SPATA6: variants seen among roughly 807,000 people sequenced by gnomAD.
SPATA6 encodes the protein spermatogenesis-associated protein 6.
In SPATA6, 56 loss-of-function variants were observed where a neutral mutation model predicts 65.3. The observed-to-expected ratio is 0.86, with a 90% CI of 0.69 to 1.07. SPATA6 has a LOEUF of 1.07. Ranked by LOEUF, SPATA6 falls within the 50% of genes least tolerant of loss-of-function variation. The probability of loss-of-function intolerance (pLI) is 0.00; values close to 1 mark genes in which losing one functional copy is unlikely to be tolerated. For synonymous variants in SPATA6, 199 were observed against 213.2 expected (o/e 0.93, Z 0.58); for missense variants, 590 against 594.8 (o/e 0.99, Z 0.08).
intron 12 of SPATA6, among the ~76,000 whole-genome samples, chr1:48,299,360 C>A (rs1299976832): frequency 6.6e-6 from 1 of 150,954 alleles, no homozygotes; most frequent in Non-Finnish European, 1.5e-5. Flanking sequence ...CTAAAAAATA[C>A]AAAATTAGCT....
intron 11 of SPATA6, among the ~76,000 whole-genome samples, chr1:48,330,632 C>A (rs1363336567): frequency 6.6e-6 from 1 of 152,250 alleles, no homozygotes; most frequent in Non-Finnish European, 1.5e-5. Flanking sequence ...CTAGGCTTTC[C>A]AGCCAAGTGG....
intron 9 of SPATA6, among the ~76,000 whole-genome samples, chr1:48,366,005 C>T (rs190641685): frequency 6.6e-5 from 10 of 152,138 alleles, no homozygotes; most frequent in African/African-American, 2.4e-4. Context: ...TAGCATGAAG[C>T]GTTGTTGAAT....
chr1:48,339,639 T>C (rs1230476406), intron 11 of SPATA6, among the ~76,000 whole-genome samples: 12 of 151,956 alleles, frequency 7.9e-5, no homozygotes, highest in Non-Finnish European at 1.5e-5. Context: ...TTACCTAATA[T>C]AATAAATGAA....
the SPATA6 span, among the ~76,000 whole-genome samples, chr1:48,272,646 T>C: frequency 6.6e-6 from 1 of 152,168 alleles, no homozygotes. Flanking sequence ...ATGAACATAG[T>C]AATATAGATA....
downstream of SPATA6, among the ~76,000 whole-genome samples, chr1:48,291,264 G>C (rs1644765327): frequency 1.3e-5 from 2 of 152,288 alleles, no homozygotes; most frequent in Middle Eastern, 6.8e-3. Context: ...GTATGGGGAG[G>C]ATCAGGTGGT....
chr1:48,316,511 C>T (rs1034620134), intron 11 of SPATA6, among the ~76,000 whole-genome samples: 1 of 152,172 alleles, frequency 6.6e-6, no homozygotes, highest in Non-Finnish European at 1.5e-5. Context: ...TCCCTTCCTA[C>T]ACCTTATACA....
chr1:48,358,780 A>G (rs1646727729), intron 10 of SPATA6, among the ~76,000 whole-genome samples: 1 of 152,152 alleles, frequency 6.6e-6, no homozygotes, highest in African/African-American at 2.4e-5. Flanking sequence ...CTTAATCAAA[A>G]TTCCATATCT....
chr1:48,365,154 C>A (rs1216981147), intron 9 of SPATA6, among the ~76,000 whole-genome samples: 1 of 152,108 alleles, frequency 6.6e-6, no homozygotes, highest in African/African-American at 2.4e-5. Context: ...TTCCATTGAT[C>A]TATATCTCTG....
intron 3 of SPATA6, chr1:48,436,626 T>C (rs1654963625): frequency 1.2e-6 from 2 of 1,613,960 alleles, no homozygotes; most frequent in East Asian, 2.2e-5. Context: ...GGGCTGTGTA[T>C]GATTTCCCAC....
At chr1:48,325,457 C>A in intron 11 of SPATA6, 2 of 1,219,490 alleles carry the variant, frequency 1.6e-6, no homozygotes, top group East Asian at 4.7e-5. Flanking sequence ...GCACTATGTT[C>A]CTGAATCGAC....
intron 11 of SPATA6, among the ~76,000 whole-genome samples, chr1:48,324,750 G>C (rs1199212577): frequency 6.6e-6 from 1 of 152,048 alleles, no homozygotes; most frequent in Non-Finnish European, 1.5e-5. Context: ...ACCGAGTCGG[G>C]AATAAGTGAA....
chr1:48,319,993 C>T (rs1418105), intron 11 of SPATA6, among the ~76,000 whole-genome samples: 21,828 of 152,126 alleles, frequency 0.14, 1,777 homozygotes, highest in African/African-American at 0.21. Context: ...AGTGTCATGC[C>T]CCCAGTGCAG....
chr1:48,426,343 TAG>T (rs1653836852), intron 3 of SPATA6, among the ~76,000 whole-genome samples: 1 of 152,088 alleles, frequency 6.6e-6, no homozygotes, highest in Admixed American at 6.5e-5. Context: ...AGTTGTACAA[TAG>T]AGTCTGAAGA....
intron 9 of SPATA6, among the ~76,000 whole-genome samples, chr1:48,362,123 TCA>T (rs1230468061): frequency 6.6e-6 from 1 of 152,046 alleles, no homozygotes; most frequent in Admixed American, 6.6e-5. Flanking sequence ...AATAGGTAGC[TCA>T]CATCTGTAGT....
downstream of SPATA6, among the ~76,000 whole-genome samples, chr1:48,290,599 C>T (rs1439966978): frequency 2.0e-5 from 3 of 152,020 alleles, no homozygotes; most frequent in Admixed American, 2.0e-4. Context: ...ATTCAGGAGA[C>T]CCATCTCATG....
the SPATA6 span, among the ~76,000 whole-genome samples, chr1:48,289,555 C>G: frequency 4.1e-3 from 623 of 152,276 alleles, 3 homozygotes; most frequent in Middle Eastern, 6.8e-3. Flanking sequence ...CTTCTCCAAG[C>G]TAAAGGAGGA....
intron 9 of SPATA6, among the ~76,000 whole-genome samples, chr1:48,378,819 G>A (rs1269140397): frequency 6.6e-6 from 1 of 152,166 alleles, no homozygotes; most frequent in Admixed American, 6.5e-5. Context: ...CAAGTGGTAA[G>A]CTCATATGGA....
chr1:48,312,091 C>A (rs1263225622), intron 11 of SPATA6, among the ~76,000 whole-genome samples: 2 of 152,192 alleles, frequency 1.3e-5, no homozygotes, highest in Admixed American at 6.5e-5. Flanking sequence ...GTGGAGCCCA[C>A]CACAGCTCAA....
At chr1:48,385,103 A>T (rs1649320667) in intron 9 of SPATA6, among the ~76,000 whole-genome samples, 1 of 152,210 alleles carries the variant, frequency 6.6e-6, no homozygotes, top group Admixed American at 6.5e-5. Context: ...CAAATGAATA[A>T]CCAAAAGCCA....
Sources: allele counts gnomAD v4.1 joint callset (sites outside exome capture counted in the v4.1 genomes callset), GRCh38; gene constraint gnomAD v4.1.1; transcripts MANE v1.5; gene names NCBI Gene and HGNC (gene_info 2026-07-23, HGNC 2026-07-21).